The following CECR2 variants were observed in gnomAD, a reference collection of about 807,000 sequenced individuals.
The protein encoded by CECR2 is chromatin remodeling regulator CECR2.
In CECR2, 30 loss-of-function variants were observed where a neutral mutation model predicts 154.5. The ratio of observed to expected loss-of-function variants is 0.19; its 90% CI spans 0.15 to 0.26. The LOEUF (loss-of-function observed/expected upper bound fraction) is 0.26, where lower values mean the gene tolerates loss of function less well. Among genes scored for constraint, CECR2 ranks in the 10% least tolerant of loss-of-function variants. The probability of loss-of-function intolerance (pLI) is 1.00; values close to 1 mark genes in which losing one functional copy is unlikely to be tolerated. For missense variants in CECR2, 1,743 were observed against 1,829.3 expected (o/e 0.95, Z 0.86); for synonymous variants, 725 against 683.7 (o/e 1.06, Z -0.94).
At chr22:17,437,840 T>G (rs2054529190) in intron 1 of CECR2, among the ~76,000 whole-genome samples, 1 of 152,176 alleles carries the variant, frequency 6.6e-6, no homozygotes, top group Non-Finnish European at 1.5e-5. Context: ...AAGGAAAAAT[T>G]TCCTTCGACT....
At chr22:17,469,994 C>T (rs1350820097) in intron 1 of CECR2, among the ~76,000 whole-genome samples, 2 of 152,170 alleles carry the variant, frequency 1.3e-5, no homozygotes, top group Non-Finnish European at 2.9e-5. Flanking sequence ...ATAACAGAGC[C>T]TGGCACATAG....
At chr22:17,360,632 G>A (rs2062972055) in intron 1 of CECR2, among the ~76,000 whole-genome samples, 1 of 151,352 alleles carries the variant, frequency 6.6e-6, no homozygotes, top group South Asian at 2.1e-4. Flanking sequence ...AACCAAGATT[G>A]TGCCATTGCA....
At position 17,504,385 on chromosome 22, in the gene CECR2, AAATT is replaced by A. The variant is rs572636591; in HGVS notation, c.701-459_701-456del. ...GCCAGACGTTGTCTCAAAAAAAATA[AAATT>A]AAGTAATAGGTCTCTTTTTTGAGTT... On this transcript the variant is annotated intron_variant, in intron 6 of 18. Coordinates refer to ENST00000262608, the MANE Select transcript of CECR2 (RefSeq NM_001290047.2). Among the ~76,000 whole-genome samples, 45 of 152,004 alleles carry A rather than the reference AAATT, an allele frequency of 3.0e-4. No individual in the cohort carries two copies. The East Asian group carries it at 8.3e-3, about 28-fold the overall frequency.
At chr22:17,523,044 C>G (rs1454081831) in intron 8 of CECR2, among the ~76,000 whole-genome samples, 1 of 151,746 alleles carries the variant, frequency 6.6e-6, no homozygotes, top group East Asian at 1.9e-4. Context: ...GCAAGATCGT[C>G]TCTAAATTTG....
chr22:17,447,479 A>T (rs910176321), intron 1 of CECR2, among the ~76,000 whole-genome samples: 1 of 152,048 alleles, frequency 6.6e-6, no homozygotes, highest in African/African-American at 2.4e-5. Context: ...CTAGACACAG[A>T]GTGCTGATTG....
At chr22:17,486,884 A>G (rs1397735896) in intron 2 of CECR2, among the ~76,000 whole-genome samples, 1 of 152,084 alleles carries the variant, frequency 6.6e-6, no homozygotes, top group African/African-American at 2.4e-5. Context: ...TTACAACACA[A>G]ATCGCTGGGC....
chr22:17,550,642 C>G (rs1015635820), intron 17 of CECR2, among the ~76,000 whole-genome samples: 2 of 152,122 alleles, frequency 1.3e-5, no homozygotes, highest in Admixed American at 6.5e-5. Context: ...TCGATAGATA[C>G]AAATGAAAGT....
intron 1 of CECR2, among the ~76,000 whole-genome samples, chr22:17,382,873 C>A (rs889472971): frequency 6.6e-6 from 1 of 151,870 alleles, no homozygotes; most frequent in Non-Finnish European, 1.5e-5. Flanking sequence ...CTGCACTCCC[C>A]CCTGGGCAGC....
intron 9 of CECR2, among the ~76,000 whole-genome samples, chr22:17,529,309 G>A (rs1005700535): frequency 6.6e-6 from 1 of 152,118 alleles, no homozygotes; most frequent in Non-Finnish European, 1.5e-5. Flanking sequence ...CTGGAGCGGA[G>A]CAGAGCAGAG....
At chr22:17,511,765 A>G in intron 7 of CECR2, 48 bp from the exon 8 acceptor site, 2 of 1,529,138 alleles carry the variant, frequency 1.3e-6, no homozygotes, top group Non-Finnish European at 9.0e-7. Context: ...AGTAGTTGAG[A>G]ACACCCTAAT....
chr22:17,485,863 AC>A (rs1308460192), intron 2 of CECR2, among the ~76,000 whole-genome samples: 1 of 152,272 alleles, frequency 6.6e-6, no homozygotes, highest in African/African-American at 2.4e-5. Context: ...TCCCAAAATT[AC>A]TGTCTTCAGA....
chr22:17,551,292 C>T lies in CECR2; in HGVS notation c.4278-739C>T, dbSNP rs144679018. Among the ~76,000 whole-genome samples the T allele has an allele frequency of 2.4e-4, 37 of 152,204 alleles. No individual in the cohort carries two copies. The East Asian group carries it at 7.1e-3, about 29-fold the overall frequency. ...TTTGTTTCTGTTTCCTCAGTTGTCCCCAGAGTGTCTTTTAGAGTCGTTTCT... is the reference window on the plus strand; with the variant it reads ...TTTGTTTCTGTTTCCTCAGTTGTCCTCAGAGTGTCTTTTAGAGTCGTTTCT... On this transcript the variant is annotated intron_variant, in intron 17 of 18. Coordinates refer to ENST00000262608, the MANE Select transcript of CECR2 (RefSeq NM_001290047.2).
rs1307961529 is a variant in CECR2 at position 17,555,625 on chromosome 22, TG to T, written c.*2786del. The T allele has an allele frequency of 1.3e-5, 2 of 152,228 alleles. No homozygotes were observed. Among genetic ancestry groups the T allele is most frequent in the African/African-American group, 4.8e-5 (2 of 41,462 alleles). 9.4% of individuals were successfully genotyped at this position (152,228 alleles called of 1,614,324 possible). A position where few individuals can be genotyped will look rare whatever the true frequency, so the allele number is the denominator to read the frequency against. ...TCTCTTTCCAAGTGTCTTAAGCAGATGCAATGTCTTAAAGCAGATGCAAATG... is the reference window on the plus strand; with the variant it reads ...TCTCTTTCCAAGTGTCTTAAGCAGATCAATGTCTTAAAGCAGATGCAAATG... On this transcript the variant is annotated 3_prime_UTR_variant, in exon 19 of 19. Coordinates refer to ENST00000262608, the MANE Select transcript of CECR2 (RefSeq NM_001290047.2).
At chr22:17,447,765 A>G (rs926875501) in intron 1 of CECR2, among the ~76,000 whole-genome samples, 3 of 152,092 alleles carry the variant, frequency 2.0e-5, no homozygotes, top group Admixed American at 6.6e-5. Flanking sequence ...ATTGAGAACA[A>G]TTGTTCAGAG....
chr22:17,423,781 G>A (rs1197523311), intron 1 of CECR2, among the ~76,000 whole-genome samples: 1 of 152,136 alleles, frequency 6.6e-6, no homozygotes, highest in Non-Finnish European at 1.5e-5. Context: ...ATTCCCGGCT[G>A]TCTCCAGTTT....
At chr22:17,402,838 A>G (rs1044291146) in intron 1 of CECR2, among the ~76,000 whole-genome samples, 11 of 147,054 alleles carry the variant, frequency 7.5e-5, no homozygotes, top group African/African-American at 2.8e-4. Context: ...GCTCACTGCA[A>G]CCTCCGCCTC....
chr22:17,510,355 A>G (rs2055921170), intron 7 of CECR2, among the ~76,000 whole-genome samples: 1 of 152,114 alleles, frequency 6.6e-6, no homozygotes, highest in Non-Finnish European at 1.5e-5. Flanking sequence ...TCGCTATCTC[A>G]GTGCTTTGGG....
intron 1 of CECR2, among the ~76,000 whole-genome samples, chr22:17,463,755 G>A (rs969259184): frequency 6.6e-6 from 1 of 151,968 alleles, no homozygotes; most frequent in Non-Finnish European, 1.5e-5. Context: ...AGAGGTGGGG[G>A]GGTGTAATGA....
In CECR2 at chr22:17,375,728, G is replaced by A. The variant is rs538025530; in HGVS notation, c.126+5819G>A. Among the ~76,000 whole-genome samples, 17 of 152,098 alleles carry A rather than the reference G, an allele frequency of 1.1e-4. No homozygotes were observed. In the South Asian group the frequency reaches 1.2e-3, roughly 11 times the overall value. On this transcript the variant is annotated intron_variant, in intron 1 of 18. Coordinates refer to ENST00000262608, the MANE Select transcript of CECR2 (RefSeq NM_001290047.2). ...CCCAGCACTTTTGGGAGGCCGAGGCGGGCGGATCATGAGGTCAGGAGTTCA... is the reference window on the plus strand; with the variant it reads ...CCCAGCACTTTTGGGAGGCCGAGGCAGGCGGATCATGAGGTCAGGAGTTCA...
Sources: gnomAD v4.1 joint callset for allele counts (sites outside exome capture counted in the v4.1 genomes callset) on GRCh38, gnomAD v4.1.1 for gene constraint, MANE v1.5 for transcripts, NCBI Gene and HGNC (gene_info 2026-07-23, HGNC 2026-07-21) for gene names.